NBAS: variants seen among roughly 807,000 people sequenced by gnomAD.
NBAS encodes the protein NBAS subunit of NRZ tethering complex, also known as NAG/BC035112 fusion.
In NBAS, 219 loss-of-function variants were observed where a neutral mutation model predicts 302.5. The ratio of observed to expected loss-of-function variants is 0.72; its 90% CI spans 0.65 to 0.81. The LOEUF is 0.81. NBAS is among the 30% of genes least tolerant of loss of function. The pLI, the probability that NBAS is intolerant of heterozygous loss-of-function variation, is 0.00. For synonymous variants in NBAS, 1,118 were observed against 1,021.6 expected, an observed-to-expected ratio of 1.09 and a Z score of -1.80; for missense variants, 2,932 against 2,841.6, an observed-to-expected ratio of 1.03 and a Z score of -0.72.
chr2:14,872,837 T>TGAGC, the NBAS span, among the ~76,000 whole-genome samples: 1 of 152,054 alleles, frequency 6.6e-6, no homozygotes, highest in African/African-American at 2.4e-5. Context: ...ACCTTCGTGG[T>TGAGC]GAGCGTCTTA....
chr2:14,912,649 T>C, the NBAS span, among the ~76,000 whole-genome samples: 77 of 147,172 alleles, frequency 5.2e-4, no homozygotes, highest in Non-Finnish European at 9.4e-4. Flanking sequence ...CCTTCTTCTG[T>C]CACTCCCAGT....
chr2:15,250,839 GA>G (rs1362863508), intron 44 of NBAS, among the ~76,000 whole-genome samples: 20 of 152,300 alleles, frequency 1.3e-4, no homozygotes, highest in African/African-American at 4.6e-4. Context: ...GGAGAAATAG[GA>G]ACGCTTTTAC....
chr2:15,427,936 A>C, intron 21 of NBAS, 142 bp from the exon 22 acceptor site: 1 of 679,886 alleles, frequency 1.5e-6, no homozygotes, highest in Admixed American at 2.3e-5. Context: ...TACAGGATAC[A>C]TATTATATAC....
At chr2:15,055,741 A>T in the NBAS span, among the ~76,000 whole-genome samples, 2 of 152,322 alleles carry the variant, frequency 1.3e-5, no homozygotes, top group South Asian at 4.1e-4. Flanking sequence ...AAAATACAGC[A>T]TGGCAATGGG....
chr2:15,461,476 C>T (rs1238906387), intron 20 of NBAS, 139 bp from the exon 21 acceptor site: 6 of 918,928 alleles, frequency 6.5e-6, no homozygotes, highest in South Asian at 1.5e-5. Flanking sequence ...TTTTTCCTAG[C>T]CTATATCCTG....
intron 23 of NBAS, among the ~76,000 whole-genome samples, chr2:15,418,835 G>A (rs370891784): frequency 7.2e-5 from 11 of 152,154 alleles, no homozygotes; most frequent in African/African-American, 1.7e-4. Flanking sequence ...GGGACGGGCC[G>A]GATCATGAAT....
chr2:14,983,969 C>T, the NBAS span, among the ~76,000 whole-genome samples: 4 of 152,120 alleles, frequency 2.6e-5, no homozygotes, highest in Admixed American at 6.5e-5. Context: ...TATTTGCCCA[C>T]GTATGTGGGG....
At chr2:15,032,853 GC>G in the NBAS span, among the ~76,000 whole-genome samples, 1 of 150,274 alleles carries the variant, frequency 6.7e-6, no homozygotes, top group African/African-American at 2.5e-5. Context: ...GAGCTATTTG[GC>G]TGAAAACATG....
rs115610110 is a variant in NBAS at position 15,366,708 on chromosome 2, C to T, written c.3704-15G>A. 1,851 of 1,610,132 alleles carry T rather than the reference C, an allele frequency of 1.1e-3. 12 individuals are homozygous for T. In the African/African-American group the frequency reaches 0.021, roughly 18 times the overall value. Reference sequence around the variant, plus strand: ...GCACAATCGCACTACAAAAGAAAGACGTATTAAAGACTTGGACCAGGGACA... The same window carrying T: ...GCACAATCGCACTACAAAAGAAAGATGTATTAAAGACTTGGACCAGGGACA... On this transcript the variant is annotated splice_polypyrimidine_tract_variant and intron_variant, in intron 31 of 51. Transcript: ENST00000281513.
chr2:15,233,265 C>T (rs1667454000), intron 46 of NBAS, among the ~76,000 whole-genome samples: 1 of 152,112 alleles, frequency 6.6e-6, no homozygotes, highest in South Asian at 2.1e-4. Context: ...AGATTTAATT[C>T]ACATTTATTG....
At chr2:14,926,701 C>T in the NBAS span, among the ~76,000 whole-genome samples, 29 of 152,294 alleles carry the variant, frequency 1.9e-4, no homozygotes, top group African/African-American at 6.7e-4. Flanking sequence ...ACCATCACCA[C>T]TGTCCATCTC....
chr2:15,273,534 A>G (rs1053220911), intron 44 of NBAS, among the ~76,000 whole-genome samples: 9 of 152,184 alleles, frequency 5.9e-5, no homozygotes, highest in Non-Finnish European at 1.2e-4. Context: ...CATGAGTTCA[A>G]ATTGAGTTCT....
the NBAS span, among the ~76,000 whole-genome samples, chr2:15,048,728 C>A: frequency 6.6e-6 from 1 of 152,362 alleles, no homozygotes; most frequent in South Asian, 2.1e-4. Context: ...ACAAGCAACT[C>A]CTTCAGTCCT....
At chr2:15,208,006 C>T (rs184910688) in intron 48 of NBAS, among the ~76,000 whole-genome samples, 1 of 150,456 alleles carries the variant, frequency 6.6e-6, no homozygotes, top group East Asian at 2.0e-4. Flanking sequence ...AATATATATG[C>T]ACCCAATGCT....
the NBAS span, among the ~76,000 whole-genome samples, chr2:14,830,927 T>C: frequency 6.6e-6 from 1 of 152,302 alleles, no homozygotes; most frequent in South Asian, 2.1e-4. Context: ...AATTTTAAGC[T>C]ACTGAGTTCA....
chr2:15,111,511 T>A, the NBAS span, among the ~76,000 whole-genome samples: 2 of 152,118 alleles, frequency 1.3e-5, no homozygotes, highest in South Asian at 4.1e-4. Context: ...AGGGTACCCA[T>A]TTCTTGCAAA....
chr2:15,486,363 A>T (rs529791686), intron 12 of NBAS, among the ~76,000 whole-genome samples: 8 of 152,214 alleles, frequency 5.3e-5, no homozygotes, highest in African/African-American at 1.9e-4. Flanking sequence ...AATAAGAGAA[A>T]CAACTAGCTT....
chr2:15,318,815 C>A (rs1558530113), intron 38 of NBAS, among the ~76,000 whole-genome samples: 1 of 152,114 alleles, frequency 6.6e-6, no homozygotes, highest in Admixed American at 6.5e-5. Flanking sequence ...CGTTAACACC[C>A]CACTGTCAAT....
the NBAS span, among the ~76,000 whole-genome samples, chr2:14,930,414 T>G: frequency 2.6e-5 from 4 of 152,252 alleles, no homozygotes; most frequent in East Asian, 7.7e-4. Context: ...TAGATTGAAC[T>G]GAACTTTTAA....
Sources: gnomAD v4.1 joint callset for allele counts (sites outside exome capture counted in the v4.1 genomes callset) on GRCh38, gnomAD v4.1.1 for gene constraint, MANE v1.5 for transcripts, NCBI Gene and HGNC (gene_info 2026-07-23, HGNC 2026-07-21) for gene names.